The following NR2C2 variants were observed in gnomAD, a reference collection of about 807,000 sequenced individuals.
The protein encoded by NR2C2 is nuclear receptor subfamily 2 group C member 2, also known as Nuclear hormone receptor TR4.
A neutral mutation model predicts 62.9 loss-of-function variants in NR2C2; 6 were observed. That is an observed-to-expected ratio of 0.10 (90% CI 0.05 to 0.19). The LOEUF is 0.19. Ranked by LOEUF, NR2C2 falls within the 10% of genes least tolerant of loss-of-function variation. NR2C2 has a pLI of 1.00. For missense variants in NR2C2, 479 were observed against 762.7 expected (o/e 0.63, Z 4.38); for synonymous variants, 272 against 273.8 (o/e 0.99, Z 0.07).
At chr3:15,029,793 A>ATACATAGC (rs1374841305) in intron 8 of NR2C2, among the ~76,000 whole-genome samples, 7 of 31,216 alleles carry the variant, frequency 2.2e-4, no homozygotes, top group Non-Finnish European at 5.7e-4. Flanking sequence ...TAAATAAATA[A>ATACATAGC]TAGATAGATA....
intron 1 of NR2C2, among the ~76,000 whole-genome samples, chr3:14,992,023 C>T (rs770654892): frequency 1.3e-5 from 2 of 152,022 alleles, no homozygotes; most frequent in African/African-American, 2.4e-5. Context: ...CTTCCTACCT[C>T]GCCCTCCCAA....
rs201956313 is a variant in NR2C2 at position 15,024,213 on chromosome 3, C to A, written c.798+5C>A. The A allele has an allele frequency of 1.3e-6, 2 of 1,588,678 alleles. No individual in the cohort carries two copies. Among genetic ancestry groups the A allele is most frequent in the Admixed American group, 1.7e-5 (1 of 57,640 alleles). On this transcript the variant is annotated splice_donor_5th_base_variant and intron_variant, in intron 7 of 13. Coordinates refer to ENST00000425241, the MANE Select transcript of NR2C2 (RefSeq NM_001291694.2). ...CTCCTGGCCACGGATTCTAAGGTGA[C>A]GTTCTCTACTCATGCTCTCTCTCAT...
chr3:15,009,184 T>C (rs564237717), intron 2 of NR2C2, among the ~76,000 whole-genome samples: 1 of 152,340 alleles, frequency 6.6e-6, no homozygotes, highest in South Asian at 2.1e-4. Flanking sequence ...ATCGTGCCAT[T>C]GCACTCCAGC....
At chr3:14,974,187 C>CT (rs1232610039) in intron 1 of NR2C2, among the ~76,000 whole-genome samples, 1 of 152,168 alleles carries the variant, frequency 6.6e-6, no homozygotes, top group Non-Finnish European at 1.5e-5. Flanking sequence ...CAGAACCTGT[C>CT]TTTTTGTGAC....
At chr3:15,008,301 CG>C (rs1458785925) in intron 2 of NR2C2, among the ~76,000 whole-genome samples, 3 of 150,880 alleles carry the variant, frequency 2.0e-5, no homozygotes, top group East Asian at 3.9e-4. Context: ...GTAGGTGGAT[CG>C]CTTGATCTCA....
At chr3:14,972,186 T>A (rs1213912474) in intron 1 of NR2C2, among the ~76,000 whole-genome samples, 1 of 149,412 alleles carries the variant, frequency 6.7e-6, no homozygotes, top group Non-Finnish European at 1.5e-5. Context: ...TTTTTTTTTT[T>A]TTTTCTGAGA....
chr3:14,979,700 A>G (rs2040309250), intron 1 of NR2C2, among the ~76,000 whole-genome samples: 1 of 152,070 alleles, frequency 6.6e-6, no homozygotes, highest in African/African-American at 2.4e-5. Context: ...GCTTGGTACA[A>G]TAAAGGAATA....
intron 7 of NR2C2, chr3:15,026,123 A>G (rs573432977): frequency 1.3e-5 from 2 of 152,192 alleles, no homozygotes; most frequent in African/African-American, 4.8e-5. Context: ...GGCTCAAGCA[A>G]TCTTCTTACC....
intron 1 of NR2C2, among the ~76,000 whole-genome samples, chr3:14,975,392 T>G (rs369027899): frequency 9.8e-5 from 15 of 152,360 alleles, no homozygotes; most frequent in South Asian, 6.2e-4. Context: ...AATTTCCTTC[T>G]ATTCCTATTT....
intron 4 of NR2C2, among the ~76,000 whole-genome samples, chr3:15,020,454 A>G (rs1180018859): frequency 6.6e-6 from 1 of 152,238 alleles, no homozygotes; most frequent in Non-Finnish European, 1.5e-5. Context: ...CTCCTACTGT[A>G]TGTTAGACCA....
chr3:14,987,822 C>A (rs1024022384), intron 1 of NR2C2, among the ~76,000 whole-genome samples: 1 of 152,194 alleles, frequency 6.6e-6, no homozygotes, highest in African/African-American at 2.4e-5. Flanking sequence ...TCTTTTCTCA[C>A]GTGCATATCA....
chr3:15,032,548 C>T lies in NR2C2; in HGVS notation c.1232+48C>T, dbSNP rs201097005. Reference sequence around the variant, plus strand: ...TGTATCCTCGGGCAGGAGCCTTCCTCTCCCTAGGAATGACCTGGAAGAACT... The same window carrying T: ...TGTATCCTCGGGCAGGAGCCTTCCTTTCCCTAGGAATGACCTGGAAGAACT... On this transcript the variant is annotated intron_variant, in intron 10 of 13. Coordinates refer to ENST00000425241, the MANE Select transcript of NR2C2 (RefSeq NM_001291694.2). 4.7e-5 allele frequency: 75 copies of T among 1,612,788 alleles called. No individual in the cohort carries two copies. The African/African-American group carries it at 9.3e-4, about 20-fold the overall frequency.
At chr3:14,951,782 C>T (rs534070190) in intron 1 of NR2C2, among the ~76,000 whole-genome samples, 5 of 152,032 alleles carry the variant, frequency 3.3e-5, no homozygotes, top group African/African-American at 1.2e-4. Context: ...GAGTCTCGCT[C>T]TGTCACCCAG....
intron 2 of NR2C2, among the ~76,000 whole-genome samples, chr3:15,013,340 G>A (rs1170868317): frequency 6.6e-6 from 1 of 152,152 alleles, no homozygotes; most frequent in African/African-American, 2.4e-5. Flanking sequence ...ATAAAAGAAA[G>A]GGCATTTTAA....
intron 1 of NR2C2, among the ~76,000 whole-genome samples, chr3:14,985,934 A>G (rs972977568): frequency 2.0e-5 from 3 of 152,256 alleles, no homozygotes; most frequent in Middle Eastern, 6.8e-3. Flanking sequence ...GTGTCTTCTA[A>G]GGGTTTTTCT....
rs549857362 is a variant in NR2C2, at chr3:15,000,884, G to A, written c.-39-2992G>A. ...GGCTGGAATGCAGTGGCACAATGTC[G>A]GCTCACTGCAAGCTCTGCCTCCCGG... is the stretch of plus-strand genomic sequence containing the variant. On this transcript the variant is annotated intron_variant, in intron 1 of 13. Coordinates refer to ENST00000425241, the MANE Select transcript of NR2C2 (RefSeq NM_001291694.2). Among the ~76,000 whole-genome samples, 283 of 147,430 alleles carry A rather than the reference G, an allele frequency of 1.9e-3. 3 individuals carry two copies. The Middle Eastern group carries it at 0.042, about 22-fold the overall frequency.
chr3:15,003,101 G>A (rs954171163), intron 1 of NR2C2, among the ~76,000 whole-genome samples: 3 of 148,478 alleles, frequency 2.0e-5, no homozygotes, highest in African/African-American at 7.4e-5. Flanking sequence ...GCGCACCATC[G>A]TGCCTGGCTA....
chr3:15,030,580 C>A, intron 9 of NR2C2, 128 bp downstream of exon 9: 1 of 988,714 alleles, frequency 1.0e-6, no homozygotes, highest in Non-Finnish European at 1.4e-6. Flanking sequence ...GTAATCTTAG[C>A]ACTTCGGGAG....
intron 2 of NR2C2, 131 bp downstream of exon 2, chr3:15,004,117 T>C: frequency 7.7e-6 from 5 of 652,562 alleles, no homozygotes; most frequent in South Asian, 2.3e-5. Context: ...ATCAATTCTT[T>C]AAAAAAAATA....
Sources: allele counts gnomAD v4.1 joint callset (sites outside exome capture counted in the v4.1 genomes callset), GRCh38; gene constraint gnomAD v4.1.1; transcripts MANE v1.5; gene names NCBI Gene and HGNC (gene_info 2026-07-23, HGNC 2026-07-21).